Variants in DCC observed in about 807,000 individuals in gnomAD.
DCC encodes the protein netrin receptor DCC.
Under a neutral mutation model 172.5 loss-of-function variants are expected in DCC, and 58 were observed. That is an observed-to-expected ratio of 0.34 (90% CI 0.27 to 0.42). The LOEUF (loss-of-function observed/expected upper bound fraction) is 0.42, where lower values mean the gene tolerates loss of function less well. Among genes scored for constraint, DCC ranks in the 10% least tolerant of loss-of-function variants. The probability of loss-of-function intolerance (pLI) is 1.00; values close to 1 mark genes in which losing one functional copy is unlikely to be tolerated. For synonymous variants in DCC, 709 were observed against 644.5 expected (o/e 1.10, Z -1.52); for missense variants, 1,740 against 1,791.0 (o/e 0.97, Z 0.51).
At position 53,397,364 on chromosome 18, in the gene DCC, G is replaced by A. The variant is rs777518339; in HGVS notation, c.2745G>A (p.Met915Ile). The A allele has an allele frequency of 1.2e-6, 2 of 1,613,716 alleles. No individual in the cohort carries two copies. Among genetic ancestry groups the A allele is most frequent in the African/African-American group, 2.7e-5 (2 of 74,870 alleles). ...CAACAGGCCTCAAACCAAACACAAT[G>A]TATGAATTCTCGGTCATGGTAACAA... ...YTATGLKPNT[M>I]YEFSVMVTKN... The change falls in exon 18 of 29, where the codon ATG becomes ATA. Residue 915 changes from methionine (M) to isoleucine (I), a missense_variant. This residue lies in a region of DCC where 1,732 missense variants were observed against 1,767.4 expected (regional missense o/e 0.98). Transcript: ENST00000442544.
At chr18:53,429,859 C>A (rs1191568870) in intron 21 of DCC, among the ~76,000 whole-genome samples, 1 of 152,022 alleles carries the variant, frequency 6.6e-6, no homozygotes, top group Admixed American at 6.6e-5. Context: ...ATGTGTTGAA[C>A]CTTAGGAAAA....
intron 6 of DCC, 113 bp downstream of exon 6, chr18:53,063,572 T>C: frequency 1.2e-6 from 1 of 856,008 alleles, no homozygotes; most frequent in South Asian, 1.6e-5. Flanking sequence ...TTTTTTGTGA[T>C]GTGTTAAAAA....
intron 1 of DCC, among the ~76,000 whole-genome samples, chr18:52,590,858 T>A (rs1144094): frequency 0.96 from 145,759 of 152,344 alleles, 70,081 homozygotes; most frequent in Middle Eastern, 1. Flanking sequence ...TTATAATCTG[T>A]ATGTTGCTTT....
intron 1 of DCC, among the ~76,000 whole-genome samples, chr18:52,404,564 G>T (rs935405274): frequency 4.7e-5 from 7 of 150,058 alleles, no homozygotes; most frequent in African/African-American, 1.5e-4. Context: ...GAAATACGAA[G>T]AAAAGAGTGA....
rs2045907220 is a variant in DCC at position 53,486,900 on chromosome 18, G to T, written c.3840G>T (p.Arg1280=). ...ATCCCCACCCGCAGTTCACTCTCCG[G>T]CCTGTGCCATTCCCAACACTCTCAG... ...CGYPHPQFTL[R]PVPFPTLSVD... is the part of the protein sequence containing the mutation. The change falls in exon 26 of 29, where the codon CGG becomes CGT. Residue 1280 remains arginine, a synonymous_variant. Coordinates refer to ENST00000442544, the MANE Select transcript of DCC (RefSeq NM_005215.4). 3.7e-6 allele frequency: 6 copies of T among 1,614,042 alleles called. No individual in the cohort carries two copies. The highest frequency in any genetic ancestry group is 1.3e-5 in the African/African-American group (1 of 74,912).
At chr18:52,641,164 T>G (rs569648187) in intron 1 of DCC, among the ~76,000 whole-genome samples, 207 of 152,258 alleles carry the variant, frequency 1.4e-3, no homozygotes, top group Non-Finnish European at 2.5e-3. Context: ...GCTAGCCACA[T>G]GTAGGAGAAT....
Position 52,906,050 on chromosome 18 carries a change from T to C in DCC, c.419T>C (p.Leu140Pro). The change falls in exon 3 of 29, where the codon CTG (leucine) becomes CCG (proline). Residue 140 changes from leucine to proline, a missense_variant. Around this residue, in one of 2 missense-constraint regions of DCC, gnomAD observed 1,732 missense variants for 1,767.4 expected, o/e 0.98. Coordinates refer to ENST00000442544, the MANE Select transcript of DCC (RefSeq NM_005215.4). ...RTAKVAVAGP[L>P]RFLSQTESVT... ...TTCTTTGTTTTTCTCCTAGGACCAC[T>C]GAGGTTCCTTTCACAGACAGAATCT... The C allele has an allele frequency of 6.2e-7, 1 of 1,605,726 alleles. No individual in the cohort carries two copies. The highest frequency in any genetic ancestry group is 8.5e-7 in the Non-Finnish European group (1 of 1,172,306).
chr18:53,062,072 CATCAATA>C (rs1477013036), intron 5 of DCC, among the ~76,000 whole-genome samples: 1 of 151,988 alleles, frequency 6.6e-6, no homozygotes, highest in Non-Finnish European at 1.5e-5. Context: ...ATACTAATAT[CATCAATA>C]ATTAATAAAT....
intron 1 of DCC, among the ~76,000 whole-genome samples, chr18:52,396,275 C>T (rs1034374812): frequency 3.7e-5 from 5 of 135,404 alleles, no homozygotes; most frequent in Non-Finnish European, 8.1e-5. Context: ...GAAAAACCTG[C>T]ACCACACCCC....
At chr18:52,969,315 A>G (rs550166169) in intron 5 of DCC, among the ~76,000 whole-genome samples, 8 of 152,028 alleles carry the variant, frequency 5.3e-5, no homozygotes, top group African/African-American at 9.6e-5. Flanking sequence ...TGAACAAACA[A>G]TCTTTGTCTC....
chr18:53,104,717 A>C (rs1458595824), intron 7 of DCC, among the ~76,000 whole-genome samples: 1 of 152,110 alleles, frequency 6.6e-6, no homozygotes, highest in Non-Finnish European at 1.5e-5. Context: ...CCAGGAAATT[A>C]ATATGGATTA....
intron 1 of DCC, among the ~76,000 whole-genome samples, chr18:52,595,857 C>T (rs2033900098): frequency 6.6e-6 from 1 of 152,136 alleles, no homozygotes; most frequent in African/African-American, 2.4e-5. Context: ...GGACCTAGGA[C>T]CCAGGTGGCA....
rs959329029 is a variant in DCC, at chr18:52,871,014, C to T, written c.413-35030C>T. Among the ~76,000 whole-genome samples the T allele has an allele frequency of 2.6e-5, 4 of 152,234 alleles. No individual in the cohort carries two copies. In the East Asian group the frequency reaches 7.8e-4, roughly 30 times the overall value. ...TTAATCTATGACATAGGATAGGCCT[C>T]CCGGGATTGGACTTTTCCAGCACTA... On this transcript the variant is annotated intron_variant, in intron 2 of 28. Transcript: ENST00000442544.
At chr18:52,873,892 G>A (rs2039360762) in intron 2 of DCC, among the ~76,000 whole-genome samples, 1 of 152,206 alleles carries the variant, frequency 6.6e-6, no homozygotes, top group African/African-American at 2.4e-5. Flanking sequence ...AGCAAGTTGT[G>A]AAGATGAAGA....
At chr18:53,425,660 C>A (rs527608947) in intron 21 of DCC, among the ~76,000 whole-genome samples, 5 of 152,150 alleles carry the variant, frequency 3.3e-5, no homozygotes, top group African/African-American at 1.2e-4. Flanking sequence ...CTGCTCCTGG[C>A]CCCCTATTCC....
chr18:52,665,838 G>C (rs1388573651), intron 1 of DCC, among the ~76,000 whole-genome samples: 9 of 152,036 alleles, frequency 5.9e-5, no homozygotes, highest in Non-Finnish European at 1.2e-4. Flanking sequence ...AATTTTTTTA[G>C]GATGCCTGAA....
At chr18:53,261,082 T>A (rs2056592277) in intron 12 of DCC, among the ~76,000 whole-genome samples, 1 of 152,100 alleles carries the variant, frequency 6.6e-6, no homozygotes, top group Non-Finnish European at 1.5e-5. Context: ...AGTGACCCGA[T>A]TTTCCAGGTG....
At chr18:52,461,362 T>C (rs1210890087) in intron 1 of DCC, among the ~76,000 whole-genome samples, 1 of 152,198 alleles carries the variant, frequency 6.6e-6, no homozygotes, top group Non-Finnish European at 1.5e-5. Flanking sequence ...TGCCTGAGGC[T>C]ATTTTCCAGT....
intron 7 of DCC, among the ~76,000 whole-genome samples, chr18:53,105,863 G>A (rs2043238655): frequency 1.3e-5 from 2 of 151,498 alleles, no homozygotes; most frequent in Admixed American, 1.3e-4. Flanking sequence ...AATCATTCTA[G>A]TGTGACCAAC....
Sources: allele counts gnomAD v4.1 joint callset (sites outside exome capture counted in the v4.1 genomes callset), GRCh38; gene constraint gnomAD v4.1.1; regional missense constraint gnomAD v4.1.1; transcripts MANE v1.5; gene names NCBI Gene and HGNC (gene_info 2026-07-23, HGNC 2026-07-21).